The following SVIL variants were observed in gnomAD, a reference collection of about 807,000 sequenced individuals.
The protein encoded by SVIL is supervillin.
Under a neutral mutation model 240.4 loss-of-function variants are expected in SVIL, and 101 were observed. That is an observed-to-expected ratio of 0.42 (90% CI 0.36 to 0.50). The LOEUF is 0.50. Ranked by LOEUF, SVIL falls within the 20% of genes least tolerant of loss-of-function variation. The pLI is 0.01. For synonymous variants in SVIL, 999 were observed against 1,100.0 expected (o/e 0.91, Z 1.82); for missense variants, 2,512 against 2,818.7 (o/e 0.89, Z 2.46).
intron 6 of SVIL, among the ~76,000 whole-genome samples, chr10:29,548,087 T>C (rs1267297353): frequency 1.3e-5 from 2 of 152,214 alleles, no homozygotes; most frequent in Non-Finnish European, 2.9e-5. Flanking sequence ...CCTTGGGATC[T>C]ACCTTTTAAT....
At chr10:29,725,190 G>C (rs951376727) in intron 1 of SVIL, among the ~76,000 whole-genome samples, 3 of 151,980 alleles carry the variant, frequency 2.0e-5, no homozygotes, top group African/African-American at 7.2e-5. Flanking sequence ...CAGCCCTAAG[G>C]CAGAGCATGC....
intron 1 of SVIL, among the ~76,000 whole-genome samples, chr10:29,572,834 T>C (rs1445676016): frequency 1.3e-5 from 2 of 151,652 alleles, no homozygotes; most frequent in Non-Finnish European, 2.9e-5. Context: ...AATATACATG[T>C]TGACATGTTG....
At chr10:29,539,479 C>G (rs1951985886) in intron 6 of SVIL, among the ~76,000 whole-genome samples, 1 of 152,150 alleles carries the variant, frequency 6.6e-6, no homozygotes, top group African/African-American at 2.4e-5. Flanking sequence ...TTCAGGATCC[C>G]TGAGGTTGGC....
At chr10:29,528,211 G>A (rs2132549364) in intron 12 of SVIL, among the ~76,000 whole-genome samples, 1 of 152,098 alleles carries the variant, frequency 6.6e-6, no homozygotes, top group South Asian at 2.1e-4. Context: ...AAACTGATTT[G>A]CAAAGAGTTC....
chr10:29,506,622 G>A (rs1949299938), intron 17 of SVIL, among the ~76,000 whole-genome samples: 1 of 148,652 alleles, frequency 6.7e-6, no homozygotes, highest in African/African-American at 2.6e-5. Flanking sequence ...TAGAGGGAGG[G>A]GACAGAGGCC....
Position 29,697,536 on chromosome 10 carries a change from GA to G in SVIL, c.-399-10886del, listed in dbSNP as rs1219036238. Among the ~76,000 whole-genome samples, 2 of 95,792 alleles carry G rather than the reference GA, an allele frequency of 2.1e-5. 1 individual carries two copies. Among genetic ancestry groups the G allele is most frequent in the African/African-American group, 9.7e-5 (2 of 20,612 alleles). 62.8% of individuals were successfully genotyped at this position (95,792 alleles called of 152,430 possible). A position where few individuals can be genotyped will look rare whatever the true frequency, so the allele number is the denominator to read the frequency against. On this transcript the variant is annotated intron_variant, in intron 1 of 35. Coordinates refer to the SVIL transcript ENST00000375400. ...CCTTACCCCCAACCCTGTGCTCTCT[GA>G]AATATGTGCTGTGTCCACTCAGGGT...
intron 1 of SVIL, among the ~76,000 whole-genome samples, chr10:29,606,816 A>G (rs1409120333): frequency 6.6e-6 from 1 of 152,088 alleles, no homozygotes; most frequent in African/African-American, 2.4e-5. Context: ...GTGCAGTGGC[A>G]GGATCTCAGC....
chr10:29,511,821 C>G (rs1366998236), intron 17 of SVIL, among the ~76,000 whole-genome samples: 1 of 152,188 alleles, frequency 6.6e-6, no homozygotes, highest in African/African-American at 2.4e-5. Flanking sequence ...CTGACTCACA[C>G]TTCTATGTGC....
intron 6 of SVIL, among the ~76,000 whole-genome samples, chr10:29,547,461 A>G (rs1034222302): frequency 6.6e-6 from 1 of 152,162 alleles, no homozygotes; most frequent in Non-Finnish European, 1.5e-5. Flanking sequence ...AATCTTTTTC[A>G]TGAAAGTAAA....
At chr10:29,512,700 A>G (rs1949925064) in intron 17 of SVIL, 35 bp downstream of exon 17, 2 of 1,614,050 alleles carry the variant, frequency 1.2e-6, no homozygotes, top group East Asian at 4.5e-5. Flanking sequence ...GAGTGATGTT[A>G]GTCGGAAGGC....
intron 3 of SVIL, among the ~76,000 whole-genome samples, chr10:29,560,934 G>A (rs1954405958): frequency 6.6e-6 from 1 of 150,624 alleles, no homozygotes; most frequent in African/African-American, 2.4e-5. Flanking sequence ...CGCCTCCCGG[G>A]TTCAAGCGAT....
intron 18 of SVIL, among the ~76,000 whole-genome samples, chr10:29,497,510 G>C (rs1237719530): frequency 1.3e-5 from 2 of 152,172 alleles, no homozygotes; most frequent in African/African-American, 4.8e-5. Context: ...TGATATGTAA[G>C]TCAGTTTCAT....
At chr10:29,708,144 G>A (rs1963027407) in intron 1 of SVIL, among the ~76,000 whole-genome samples, 1 of 150,890 alleles carries the variant, frequency 6.6e-6, no homozygotes, top group Non-Finnish European at 1.5e-5. Flanking sequence ...TGTAGTCCCA[G>A]CTACTCGGGA....
rs372233137 is a variant in SVIL at position 29,560,895 on chromosome 10, G to A, written c.-51+2306C>T. Among the ~76,000 whole-genome samples the A allele has an allele frequency of 1.9e-3, 270 of 144,430 alleles. 13 individuals are homozygous for A. The South Asian group carries it at 0.058, about 31-fold the overall frequency. The allele number at this position is 144,430 out of a possible 152,430, so 94.8% of individuals were successfully genotyped here. On this transcript the variant is annotated intron_variant, in intron 3 of 37. Transcript: ENST00000355867. Reference sequence around the variant, plus strand: ...GCTCTGTCACCCAGGCTGGAGTGCAGTGGCATGATCTTGGCTCACGGCAAC... The same window carrying A: ...GCTCTGTCACCCAGGCTGGAGTGCAATGGCATGATCTTGGCTCACGGCAAC...
In SVIL at chr10:29,480,730, G is replaced by A. The variant is rs138045309; in HGVS notation, c.5184C>T (p.Asp1728=). Residue 1728 remains aspartate (D), a synonymous_variant, in exon 29 of 38, where the codon GAC becomes GAT. Transcript: ENST00000355867. The part of the protein sequence containing the change: ...MPQTTAGTIL[D]GVNVGRGYGL... ...CATAGCCACGGCCGACGTTCACTCC[G>A]TCCAGGATGGTGCCTGCTGTCGTCT... 4.8e-5 allele frequency: 78 copies of A among 1,614,138 alleles called. 1 individual carries two copies. Among genetic ancestry groups the A allele is most frequent in the East Asian group, 1.6e-4 (7 of 44,862 alleles).
intron 1 of SVIL, among the ~76,000 whole-genome samples, chr10:29,713,466 G>A (rs1032638781): frequency 1.3e-5 from 2 of 152,070 alleles, no homozygotes; most frequent in African/African-American, 4.8e-5. Context: ...ATTCCTCCAC[G>A]ATCTGATTTT....
intron 16 of SVIL, among the ~76,000 whole-genome samples, chr10:29,520,903 G>A (rs1488664386): frequency 4.8e-5 from 7 of 145,246 alleles, no homozygotes; most frequent in African/African-American, 7.7e-5. Context: ...GGCAACAGAG[G>A]AAGACCATTC....
At chr10:29,696,640 C>T (rs1198497613) in intron 1 of SVIL, among the ~76,000 whole-genome samples, 1 of 151,228 alleles carries the variant, frequency 6.6e-6, no homozygotes, top group African/African-American at 2.4e-5. Flanking sequence ...TCGGCCCGGC[C>T]GCGACCCCGT....
At chr10:29,718,235 A>G (rs1963750325) in intron 1 of SVIL, among the ~76,000 whole-genome samples, 1 of 151,874 alleles carries the variant, frequency 6.6e-6, no homozygotes, top group Non-Finnish European at 1.5e-5. Flanking sequence ...CTGAGGCAGG[A>G]GAATCGCTTG....
Sources: gnomAD v4.1 joint callset for allele counts (sites outside exome capture counted in the v4.1 genomes callset) on GRCh38, gnomAD v4.1.1 for gene constraint, MANE v1.5 for transcripts, NCBI Gene and HGNC (gene_info 2026-07-23, HGNC 2026-07-21) for gene names.